Variants in CERS4 observed in about 807,000 individuals in gnomAD.
The protein encoded by CERS4 is ceramide synthase 4, also known as LAG1 homolog, ceramide synthase 4.
In CERS4, 65 loss-of-function variants were observed where a neutral mutation model predicts 51.8. The ratio of observed to expected loss-of-function variants is 1.26; its 90% CI spans 1.03 to 1.54. The LOEUF (loss-of-function observed/expected upper bound fraction) is 1.54, where lower values mean the gene tolerates loss of function less well. Ranked by LOEUF, CERS4 falls within the 40% of genes most tolerant of loss-of-function variation. CERS4 has a pLI of 0.00. For synonymous variants in CERS4, 228 were observed against 208.4 expected (o/e 1.09, Z -0.81); for missense variants, 563 against 500.4 (o/e 1.13, Z -1.19).
At chr19:8,249,684 C>T (rs1230235551) in intron 2 of CERS4, among the ~76,000 whole-genome samples, 1 of 150,822 alleles carries the variant, frequency 6.6e-6, no homozygotes, top group Non-Finnish European at 1.5e-5. Context: ...CTCCGCCTCC[C>T]GGGTTCAAGC....
At chr19:8,240,405 A>G (rs971067780) in intron 2 of CERS4, 1 of 152,114 alleles carries the variant, frequency 6.6e-6, no homozygotes, top group Non-Finnish European at 1.5e-5. Context: ...AGTGGAAGAG[A>G]CAGGTCCGTC....
At chr19:8,247,881 A>G (rs12978603) in intron 2 of CERS4, among the ~76,000 whole-genome samples, 6,177 of 151,336 alleles carry the variant, frequency 0.041, 156 homozygotes, top group African/African-American at 0.054. Context: ...TTACAGGCAC[A>G]TGCCACCACA....
intron 2 of CERS4, among the ~76,000 whole-genome samples, chr19:8,215,929 G>A (rs540236341): frequency 1.3e-5 from 2 of 152,154 alleles, no homozygotes; most frequent in African/African-American, 4.8e-5. Context: ...GTGAGGGCAG[G>A]CATAAGCCAC....
chr19:8,216,957 T>A (rs1449453808), intron 2 of CERS4, among the ~76,000 whole-genome samples: 1 of 152,052 alleles, frequency 6.6e-6, no homozygotes, highest in African/African-American at 2.4e-5. Flanking sequence ...CTTTCCCCAG[T>A]TGCAAAGTAC....
chr19:8,247,395 C>CAACCTTCT (rs920458902), intron 2 of CERS4, among the ~76,000 whole-genome samples: 2 of 152,244 alleles, frequency 1.3e-5, no homozygotes, highest in Admixed American at 6.6e-5. Context: ...CCCAGCCCCA[C>CAACCTTCT]CTTCTTGTGT....
At chr19:8,242,615 G>A (rs1442644942) in intron 2 of CERS4, among the ~76,000 whole-genome samples, 1 of 152,188 alleles carries the variant, frequency 6.6e-6, no homozygotes, top group Admixed American at 6.6e-5. Context: ...GGGTTTTGAA[G>A]GATGCATAGG....
In CERS4 at chr19:8,210,734, T is replaced by C. The variant is rs1967050894; in HGVS notation, c.-130T>C. ...CAGCTGCTGTGAATAAACACAGAAGTGGAGCTGGGGGACTGATTAGAAGCC... is the reference window on the plus strand; with the variant it reads ...CAGCTGCTGTGAATAAACACAGAAGCGGAGCTGGGGGACTGATTAGAAGCC... On this transcript the variant is annotated 5_prime_UTR_variant, in exon 2 of 12. Coordinates refer to ENST00000251363, the MANE Select transcript of CERS4 (RefSeq NM_024552.3). This position sits in a 1 kb window ranked among gnomAD's most constrained non-coding sequence, Gnocchi z 4.2. 1 of 152,194 alleles carries C rather than the reference T, an allele frequency of 6.6e-6. No individual in the cohort carries two copies. Among genetic ancestry groups the C allele is most frequent in the Non-Finnish European group, 1.5e-5 (1 of 68,110 alleles). The allele number at this position is 152,194 out of a possible 1,614,324, so 9.4% of individuals were successfully genotyped here. A position where few individuals can be genotyped will look rare whatever the true frequency, so the allele number is the denominator to read the frequency against.
At chr19:8,214,148 C>T (rs991193785) in intron 2 of CERS4, among the ~76,000 whole-genome samples, 1 of 140,884 alleles carries the variant, frequency 7.1e-6, no homozygotes, top group South Asian at 2.2e-4. Flanking sequence ...AGATTTTAAT[C>T]CAGGGTCCCA....
chr19:8,255,148 G>A (rs1355684947), intron 4 of CERS4, among the ~76,000 whole-genome samples: 1 of 152,256 alleles, frequency 6.6e-6, no homozygotes, highest in East Asian at 1.9e-4. Flanking sequence ...AGTGGGGTGG[G>A]GAATGGTGAA....
In CERS4 at chr19:8,256,429, G is replaced by C. The variant is rs750503403; in HGVS notation, c.519+143G>C. Reference sequence around the variant, plus strand: ...CGCTCTTTGATTCCTCTGGGGAATAGAGAGGGGCCAGAAAACCAAGCAGGA... The same window carrying C: ...CGCTCTTTGATTCCTCTGGGGAATACAGAGGGGCCAGAAAACCAAGCAGGA... On this transcript the variant is annotated intron_variant, in intron 7 of 11. Coordinates refer to ENST00000251363, the MANE Select transcript of CERS4 (RefSeq NM_024552.3). 8.9e-6 allele frequency: 9 copies of C among 1,010,900 alleles called. No individual in the cohort carries two copies. The Admixed American group carries it at 9.5e-5, about 11-fold the overall frequency. 62.6% of individuals were successfully genotyped at this position (1,010,900 alleles called of 1,614,324 possible). A position where few individuals can be genotyped will look rare whatever the true frequency, so the allele number is the denominator to read the frequency against.
chr19:8,253,244 T>C (rs1023082811), intron 3 of CERS4, among the ~76,000 whole-genome samples: 4 of 151,716 alleles, frequency 2.6e-5, no homozygotes, highest in African/African-American at 9.7e-5. Flanking sequence ...TGGGGGATGC[T>C]GGGAGGAGGG....
At chr19:8,258,322 T>C (rs1969504436) in intron 10 of CERS4, among the ~76,000 whole-genome samples, 1 of 152,264 alleles carries the variant, frequency 6.6e-6, no homozygotes, top group Middle Eastern at 3.4e-3. Flanking sequence ...TCCCGGCCCT[T>C]GTGAGCAGAC....
intron 9 of CERS4, among the ~76,000 whole-genome samples, chr19:8,257,575 C>A (rs527621611): frequency 6.6e-6 from 1 of 152,192 alleles, no homozygotes; most frequent in Non-Finnish European, 1.5e-5. Context: ...GGATTACAGG[C>A]ACTTGCCACC....
chr19:8,256,958 G>A lies in CERS4; in HGVS notation c.622G>A (p.Glu208Lys), dbSNP rs1969420294. 2 of 1,614,142 alleles carry A rather than the reference G, an allele frequency of 1.2e-6. No individual in the cohort carries two copies. Among genetic ancestry groups the A allele is most frequent in the Non-Finnish European group, 1.7e-6 (2 of 1,180,020 alleles). ...PFDVKRKDFK[E>K]QVIHHFVAVI... ...CCACCGTCTACTGCAGGATTTCAAG[G>A]AGCAGGTGATACACCACTTCGTGGC... Residue 208 changes from glutamate to lysine, a missense_variant, in exon 9 of 12, where the codon GAG (glutamate) becomes AAG (lysine). Coordinates refer to ENST00000251363, the MANE Select transcript of CERS4 (RefSeq NM_024552.3).
At chr19:8,214,770 CT>C (rs1967220636) in intron 2 of CERS4, among the ~76,000 whole-genome samples, 1 of 151,998 alleles carries the variant, frequency 6.6e-6, no homozygotes, top group South Asian at 2.1e-4. Flanking sequence ...GAGAGGAGGA[CT>C]ACGCAGTGGC....
chr19:8,235,155 C>T (rs188905564), intron 2 of CERS4, among the ~76,000 whole-genome samples: 1 of 149,364 alleles, frequency 6.7e-6, no homozygotes, highest in Non-Finnish European at 1.5e-5. Context: ...ATTACAGGCA[C>T]ACACCACCAT....
chr19:8,260,770 C>T (rs1157164675), intron 10 of CERS4, among the ~76,000 whole-genome samples: 1 of 150,722 alleles, frequency 6.6e-6, no homozygotes, highest in Non-Finnish European at 1.5e-5. Flanking sequence ...GCCAACATGG[C>T]AAAAACCACC....
rs751288236 is a variant in CERS4, at chr19:8,262,144, G to A, written c.*35G>A. ...GCTGGCTGTAAGGGGTTGCCCCCCC[G>A]CCAGTGCCTTGGATATTTCTGGGGT... On this transcript the variant is annotated 3_prime_UTR_variant, in exon 12 of 12. Coordinates refer to ENST00000251363, the MANE Select transcript of CERS4 (RefSeq NM_024552.3). 1.2e-4 allele frequency: 167 copies of A among 1,428,526 alleles called. No homozygotes were observed. The highest frequency in any genetic ancestry group is 7.0e-4 in the Middle Eastern group (3 of 4,264). The allele number at this position is 1,428,526 out of a possible 1,614,324, so 88.5% of individuals were successfully genotyped here. A position where few individuals can be genotyped will look rare whatever the true frequency, so the allele number is the denominator to read the frequency against.
At chr19:8,255,914 GC>G in intron 6 of CERS4, 35 bp downstream of exon 6, 2 of 1,608,370 alleles carry the variant, frequency 1.2e-6, no homozygotes, top group Middle Eastern at 1.7e-4. Flanking sequence ...CTGCTCACCT[GC>G]CCCATCCACC....
Sources: allele counts gnomAD v4.1 joint callset (sites outside exome capture counted in the v4.1 genomes callset), GRCh38; gene constraint gnomAD v4.1.1; non-coding constraint Gnocchi (gnomAD v3.1); transcripts MANE v1.5; gene names NCBI Gene and HGNC (gene_info 2026-07-23, HGNC 2026-07-21).